The following IRF2 variants were observed in gnomAD, a reference collection of about 807,000 sequenced individuals.
IRF2 encodes the protein interferon regulatory factor 2.
Under a neutral mutation model 40.6 loss-of-function variants are expected in IRF2, and 15 were observed. The observed-to-expected ratio is 0.37, with a 90% confidence interval of 0.25 to 0.57. The LOEUF (loss-of-function observed/expected upper bound fraction) is 0.57, where lower values mean the gene tolerates loss of function less well. Ranked by LOEUF, IRF2 falls within the 20% of genes least tolerant of loss-of-function variation. The pLI, the probability that IRF2 is intolerant of heterozygous loss-of-function variation, is 0.77. For synonymous variants in IRF2, 151 were observed against 165.5 expected (o/e 0.91, Z 0.67); for missense variants, 317 against 455.7 (o/e 0.70, Z 2.77).
At chr4:184,429,448 A>C (rs542975594) in intron 1 of IRF2, among the ~76,000 whole-genome samples, 2 of 152,158 alleles carry the variant, frequency 1.3e-5, no homozygotes, top group Admixed American at 6.5e-5. Context: ...TCCTTCCAAG[A>C]GCCAAGGGGT....
intron 1 of IRF2, among the ~76,000 whole-genome samples, chr4:184,459,715 C>T (rs911884544): frequency 6.6e-6 from 1 of 152,162 alleles, no homozygotes; most frequent in African/African-American, 2.4e-5. Flanking sequence ...GACATTCCTC[C>T]TAAGAAGATA....
chr4:184,401,580 C>T (rs761827309), intron 6 of IRF2, among the ~76,000 whole-genome samples: 17 of 151,942 alleles, frequency 1.1e-4, no homozygotes, highest in Non-Finnish European at 2.4e-4. Flanking sequence ...TTATGCAGGT[C>T]ACTAGACACA....
chr4:184,415,200 A>G (rs113091658), intron 5 of IRF2, among the ~76,000 whole-genome samples: 3 of 152,238 alleles, frequency 2.0e-5, no homozygotes, highest in African/African-American at 4.8e-5. Context: ...ATTCAAAAGT[A>G]AGGCTGTGTT....
chr4:184,442,564 G>A (rs1309458109), intron 1 of IRF2, among the ~76,000 whole-genome samples: 1 of 152,084 alleles, frequency 6.6e-6, no homozygotes, highest in Non-Finnish European at 1.5e-5. Context: ...GAAGACAAAC[G>A]CGCCACTATC....
intron 1 of IRF2, among the ~76,000 whole-genome samples, chr4:184,462,752 T>C (rs1360155105): frequency 1.3e-5 from 2 of 152,254 alleles, no homozygotes; most frequent in Admixed American, 1.3e-4. Flanking sequence ...GTGGAACCCC[T>C]AATACAAAGT....
At chr4:184,436,845 C>A (rs1383169569) in intron 1 of IRF2, among the ~76,000 whole-genome samples, 1 of 152,220 alleles carries the variant, frequency 6.6e-6, no homozygotes, top group Non-Finnish European at 1.5e-5. Flanking sequence ...CTTTAACTCT[C>A]ATAACAGCTC....
At position 184,414,889 on chromosome 4, in the gene IRF2, C is replaced by T. The variant is rs985987799; in HGVS notation, c.411+3278G>A. Among the ~76,000 whole-genome samples the T allele has an allele frequency of 1.1e-4, 16 of 152,320 alleles. 1 individual carries two copies. Among genetic ancestry groups the T allele is most frequent in the Middle Eastern group, 3.4e-3 (1 of 294 alleles). On this transcript the variant is annotated intron_variant, in intron 5 of 8. Transcript: ENST00000393593. ...AAATTTCCTCAGTAGAAGAAACCTA[C>T]GTAGTGTATCCAGTTACATATTTGG... is the stretch of plus-strand genomic sequence containing the variant.
At chr4:184,456,509 G>A (rs966549323) in intron 1 of IRF2, among the ~76,000 whole-genome samples, 1 of 152,260 alleles carries the variant, frequency 6.6e-6, no homozygotes, top group Non-Finnish European at 1.5e-5. Flanking sequence ...TTTCCCTGAA[G>A]CTGCGAGTTC....
intron 1 of IRF2, among the ~76,000 whole-genome samples, chr4:184,450,125 A>G (rs1489403966): frequency 1.3e-5 from 2 of 152,244 alleles, no homozygotes; most frequent in Non-Finnish European, 2.9e-5. Context: ...CACCCCGGAA[A>G]GTAATTAGGG....
intron 1 of IRF2, among the ~76,000 whole-genome samples, chr4:184,446,382 T>G (rs1327219688): frequency 6.6e-6 from 1 of 152,094 alleles, no homozygotes; most frequent in African/African-American, 2.4e-5. Flanking sequence ...CAAAAGCCCA[T>G]GTGGGCAGTG....
intron 5 of IRF2, among the ~76,000 whole-genome samples, chr4:184,410,196 G>A (rs537456315): frequency 3.5e-4 from 53 of 152,282 alleles, no homozygotes; most frequent in African/African-American, 1.2e-3. Flanking sequence ...ACTGGTTGCA[G>A]CTCCTTATTT....
intron 7 of IRF2, among the ~76,000 whole-genome samples, chr4:184,395,529 T>C (rs1579793863): frequency 6.8e-6 from 1 of 146,446 alleles, no homozygotes; most frequent in Non-Finnish European, 1.5e-5. Flanking sequence ...CTGGAGAACA[T>C]AAAGCAAGAA....
rs1421345572 is a variant in IRF2 at position 184,474,083 on chromosome 4, T to TCCTCCTCCTCCTCCCTCTCTA, written c.-7+275_-7+295dup. Reference sequence around the variant, plus strand: ...AAGTGAAATTAAACCTCCACCAACCTCCTCCTCCTCCTCCCTCTCTACCTC... The same window carrying TCCTCCTCCTCCTCCCTCTCTA: ...AAGTGAAATTAAACCTCCACCAACCTCCTCCTCCTCCTCCCTCTCTACCTCCTCCTCCTCCCTCTCTACCTC... On this transcript the variant is annotated intron_variant, in intron 1 of 8. Coordinates refer to ENST00000393593, the MANE Select transcript of IRF2 (RefSeq NM_002199.4). This position sits in a 1 kb window ranked among gnomAD's most constrained non-coding sequence, Gnocchi z 5.6. 2.1e-5 allele frequency: 3 copies of TCCTCCTCCTCCTCCCTCTCTA among 142,276 alleles called. No homozygotes were observed. The highest frequency in any genetic ancestry group is 3.9e-4 in the East Asian group (2 of 5,182). The allele number at this position is 142,276 out of a possible 1,614,324, so 8.8% of individuals were successfully genotyped here. A position where few individuals can be genotyped will look rare whatever the true frequency, so the allele number is the denominator to read the frequency against.
At chr4:184,416,436 A>C (rs1485068610) in intron 5 of IRF2, among the ~76,000 whole-genome samples, 2 of 152,086 alleles carry the variant, frequency 1.3e-5, no homozygotes, top group Non-Finnish European at 2.9e-5. Flanking sequence ...ATATAGGAGA[A>C]ACATATATCC....
intron 1 of IRF2, among the ~76,000 whole-genome samples, chr4:184,453,912 G>A (rs1347743638): frequency 1.3e-5 from 2 of 152,244 alleles, no homozygotes; most frequent in East Asian, 3.8e-4. Flanking sequence ...AATGTGGTCA[G>A]TATTTGTGAA....
chr4:184,419,931 G>A (rs1016591069), intron 2 of IRF2, among the ~76,000 whole-genome samples: 5 of 152,174 alleles, frequency 3.3e-5, no homozygotes, highest in Admixed American at 6.5e-5. Context: ...GTAGTGGCGC[G>A]ATATCGGCTC....
intron 1 of IRF2, among the ~76,000 whole-genome samples, chr4:184,447,608 T>G (rs1438767876): frequency 2.0e-5 from 3 of 152,226 alleles, no homozygotes; most frequent in African/African-American, 7.2e-5. Flanking sequence ...GAAGGCTGAC[T>G]GATGGCTCCT....
At chr4:184,405,477 A>T (rs2149895417) in intron 6 of IRF2, among the ~76,000 whole-genome samples, 1 of 152,270 alleles carries the variant, frequency 6.6e-6, no homozygotes, top group South Asian at 2.1e-4. Context: ...AGGGAGCTTA[A>T]CTCGTTCAGA....
intron 7 of IRF2, 64 bp from the exon 8 acceptor site, chr4:184,390,813 G>T: frequency 6.4e-7 from 1 of 1,572,328 alleles, no homozygotes; most frequent in South Asian, 1.1e-5. Context: ...CCAGGCTCAG[G>T]CAGTGTTTAT....
Sources: allele counts gnomAD v4.1 joint callset (sites outside exome capture counted in the v4.1 genomes callset), GRCh38; gene constraint gnomAD v4.1.1; non-coding constraint Gnocchi (gnomAD v3.1); transcripts MANE v1.5; gene names NCBI Gene and HGNC (gene_info 2026-07-23, HGNC 2026-07-21).